The following FGF6 variants were observed in gnomAD, a reference collection of about 807,000 sequenced individuals.
FGF6 encodes the protein fibroblast growth factor 6, also known as FGF-6.
FGF6 carries 14 observed loss-of-function variants against 18.4 expected under a neutral mutation model. The observed-to-expected ratio is 0.76, with a 90% CI of 0.50 to 1.19. FGF6 has a LOEUF of 1.19. Among genes scored for constraint, FGF6 ranks in the 50% most tolerant of loss-of-function variants. The pLI is 0.00. For synonymous variants in FGF6, 125 were observed against 116.7 expected, an observed-to-expected ratio of 1.07 and a Z score of -0.46; for missense variants, 266 against 271.6, an observed-to-expected ratio of 0.98 and a Z score of 0.15.
chr12:4,440,674 C>T (rs1865680382), intron 2 of FGF6, among the ~76,000 whole-genome samples: 1 of 152,246 alleles, frequency 6.6e-6, no homozygotes. Flanking sequence ...TTTCATTCTT[C>T]TCACTCCAGT....
Position 4,445,558 on chromosome 12 carries a change from G to T in FGF6, c.13C>A (p.Gln5Lys). 1 of 1,588,058 alleles carries T rather than the reference G, an allele frequency of 6.3e-7. No individual in the cohort carries two copies. MALGQKLFITMSRGA... is the reference protein window; with the variant it reads MALGKKLFITMSRGA... The stretch of plus-strand genomic sequence containing the variant: ...CGGGACATAGTGATGAACAGTTTCT[G>T]TCCCAGGGCCATCCACCTTGCCTCT... The change falls in exon 1 of 3, where the codon CAG becomes AAG. Residue 5 changes from glutamine (Q) to lysine (K), a missense_variant. Transcript: ENST00000228837. This position sits in a 1 kb window ranked among gnomAD's most constrained non-coding sequence, Gnocchi z 5.5.
chr12:4,445,594 G>T lies in FGF6; in HGVS notation c.-24C>A. ...ATCCACCTTGCCTCTCAGGCACGTG[G>T]TCAGAATTAATGGCCCTAAAAATAC... On this transcript the variant is annotated 5_prime_UTR_variant, in exon 1 of 3. Transcript: ENST00000228837. This position sits in a 1 kb window ranked among gnomAD's most constrained non-coding sequence, Gnocchi z 5.5. The T allele has an allele frequency of 1.3e-6, 2 of 1,543,240 alleles. No homozygotes were observed. Among genetic ancestry groups the T allele is most frequent in the African/African-American group, 1.4e-5 (1 of 73,710 alleles).
At position 4,445,478 on chromosome 12, in the gene FGF6, T is replaced by C. The variant is rs1211420055; in HGVS notation, c.93A>G (p.Leu31=). The C allele has an allele frequency of 1.2e-6, 2 of 1,613,050 alleles. No homozygotes were observed. Among genetic ancestry groups the C allele is most frequent in the African/African-American group, 2.7e-5 (2 of 74,896 alleles). ...TLWALVFLGI[L]VGMVVPSPAG... is the part of the protein sequence containing the mutation. ...CAGGCGAGGGCACCACCATGCCCAC[T>C]AGGATGCCTAGGAAGACGAGAGCCC... The change falls in exon 1 of 3, where the codon CTA becomes CTG. Residue 31 remains leucine (L), a synonymous_variant. Transcript: ENST00000228837. This position sits in a 1 kb window ranked among gnomAD's most constrained non-coding sequence, Gnocchi z 5.5.
Position 4,445,189 on chromosome 12 carries a change from C to T in FGF6, c.346+36G>A, listed in dbSNP as rs1173848761. The stretch of plus-strand genomic sequence containing the variant: ...CTTTTAGCCCTGCATGAGCCCAAAC[C>T]CCCAAGCGTCCCGACTGGCTGCAGC... On this transcript the variant is annotated intron_variant, in intron 1 of 2. Transcript: ENST00000228837. This position sits in a 1 kb window ranked among gnomAD's most constrained non-coding sequence, Gnocchi z 5.5. The T allele has an allele frequency of 2.6e-6, 4 of 1,553,382 alleles. No homozygotes were observed. The highest frequency in any genetic ancestry group is 3.4e-4 in the Middle Eastern group (2 of 5,846).
chr12:4,441,323 GGTCGCGGA>G (rs1263664197), intron 2 of FGF6, among the ~76,000 whole-genome samples: 1 of 152,198 alleles, frequency 6.6e-6, no homozygotes, highest in African/African-American at 2.4e-5. Flanking sequence ...CTGGAACTCG[GGTCGCGGA>G]GCCCTGAGAC....
intron 2 of FGF6, among the ~76,000 whole-genome samples, chr12:4,436,893 T>A (rs1865635128): frequency 6.6e-6 from 1 of 152,252 alleles, no homozygotes; most frequent in Non-Finnish European, 1.5e-5. Context: ...GGGTTTTTCA[T>A]AAGCTTTCCT....
chr12:4,445,256 C>T lies in FGF6; in HGVS notation c.315G>A (p.Arg105=), dbSNP rs760950863. 2 of 1,613,456 alleles carry T rather than the reference C, an allele frequency of 1.2e-6. No individual in the cohort carries two copies. Among genetic ancestry groups the T allele is most frequent in the South Asian group, 1.1e-5 (1 of 91,030 alleles). ...GGTTCTCCTCGTGGGTCCCGCTGATCCGGCCGTCGGGGAGCACCTGGAGGT... is the reference window on the plus strand; with the variant it reads ...GGTTCTCCTCGTGGGTCCCGCTGATTCGGCCGTCGGGGAGCACCTGGAGGT... The part of the protein sequence containing the change: ...GFHLQVLPDG[R]ISGTHEENPY... Residue 105 remains arginine, a synonymous_variant, in exon 1 of 3, where the codon CGG becomes CGA. Transcript: ENST00000228837. This position sits in a 1 kb window ranked among gnomAD's most constrained non-coding sequence, Gnocchi z 5.5.
Position 4,445,536 on chromosome 12 carries a change from G to T in FGF6, c.35C>A (p.Ser12Tyr), listed in dbSNP as rs775224777. The change falls in exon 1 of 3, where the codon TCC (serine) becomes TAC (tyrosine). Residue 12 changes from serine to tyrosine, a missense_variant. Coordinates refer to ENST00000228837, the MANE Select transcript of FGF6 (RefSeq NM_020996.3). The surrounding 1 kb of genome is among the most constrained non-coding windows in gnomAD (Gnocchi z 5.5). The part of the protein sequence containing the change: ...ALGQKLFITM[S>Y]RGAGRLQGTL... ...GCCCTGCAGACGTCCTGCTCCCCGG[G>T]ACATAGTGATGAACAGTTTCTGTCC... 6.2e-7 allele frequency: 1 copy of T among 1,607,876 alleles called. No homozygotes were observed. Among genetic ancestry groups the T allele is most frequent in the Admixed American group, 1.7e-5 (1 of 59,852 alleles).
At chr12:4,441,046 C>T (rs922411805) in intron 2 of FGF6, among the ~76,000 whole-genome samples, 1 of 152,268 alleles carries the variant, frequency 6.6e-6, no homozygotes. Flanking sequence ...TGCGGCTCTT[C>T]TTAGTAAAAC....
intron 2 of FGF6, 100 bp downstream of exon 2, chr12:4,444,033 T>G: frequency 1.3e-6 from 1 of 749,628 alleles, no homozygotes; most frequent in East Asian, 2.7e-5. Context: ...CTTTCCCATT[T>G]AGATAGTCAC....
chr12:4,435,710 C>T (rs1025452672), intron 2 of FGF6, among the ~76,000 whole-genome samples: 1 of 152,188 alleles, frequency 6.6e-6, no homozygotes, highest in African/African-American at 2.4e-5. Context: ...ACCACCTGTT[C>T]AGAACATGAA....
Position 4,445,780 on chromosome 12 carries a change from C to T in FGF6, c.-210G>A, listed in dbSNP as rs372136084. On this transcript the variant is annotated 5_prime_UTR_variant, in exon 1 of 3. Coordinates refer to ENST00000228837, the MANE Select transcript of FGF6 (RefSeq NM_020996.3). This position sits in a 1 kb window ranked among gnomAD's most constrained non-coding sequence, Gnocchi z 5.5. The stretch of plus-strand genomic sequence containing the variant: ...GCCGGTAGAGACCATGGCTCGGGGA[C>T]GCTCTCTAGCTCGCCCGCTTGCTCC... Among the ~76,000 whole-genome samples, 5 of 152,146 alleles carry T rather than the reference C, an allele frequency of 3.3e-5. No individual in the cohort carries two copies. The highest frequency in any genetic ancestry group is 7.4e-5 in the Non-Finnish European group (5 of 68,024).
chr12:4,436,859 C>G (rs1311973512), intron 2 of FGF6, among the ~76,000 whole-genome samples: 1 of 152,236 alleles, frequency 6.6e-6, no homozygotes, highest in Non-Finnish European at 1.5e-5. Context: ...GCCATGTCAA[C>G]AGGTTAATGC....
chr12:4,435,599 G>T (rs1297918361), intron 2 of FGF6, among the ~76,000 whole-genome samples: 1 of 152,162 alleles, frequency 6.6e-6, no homozygotes, highest in Non-Finnish European at 1.5e-5. Context: ...GAATTTTTAT[G>T]GGGAAAAGGA....
In FGF6 at chr12:4,445,455, G is replaced by A. The variant is rs1865752197; in HGVS notation, c.116C>T (p.Pro39Leu). The change falls in exon 1 of 3, where the codon CCT (proline) becomes CTT (leucine). Residue 39 changes from proline (P) to leucine (L), a missense_variant. Coordinates refer to ENST00000228837, the MANE Select transcript of FGF6 (RefSeq NM_020996.3). This position sits in a 1 kb window ranked among gnomAD's most constrained non-coding sequence, Gnocchi z 5.5. Reference sequence around the variant, plus strand: ...CGTGTTGTTGGCACGGGTGCCTGCAGGCGAGGGCACCACCATGCCCACTAG... The same window carrying A: ...CGTGTTGTTGGCACGGGTGCCTGCAAGCGAGGGCACCACCATGCCCACTAG... ...GILVGMVVPS[P>L]AGTRANNTLL... 2 of 1,613,268 alleles carry A rather than the reference G, an allele frequency of 1.2e-6. No homozygotes were observed. The highest frequency in any genetic ancestry group is 8.5e-7 in the Non-Finnish European group (1 of 1,179,952).
intron 2 of FGF6, among the ~76,000 whole-genome samples, chr12:4,442,650 A>G (rs1865706416): frequency 6.6e-6 from 1 of 152,204 alleles, no homozygotes; most frequent in African/African-American, 2.4e-5. Flanking sequence ...CAGGCTGGGA[A>G]GAAGGGGTTC....
At chr12:4,441,397 C>A (rs1865689222) in intron 2 of FGF6, among the ~76,000 whole-genome samples, 1 of 152,190 alleles carries the variant, frequency 6.6e-6, no homozygotes, top group Non-Finnish European at 1.5e-5. Context: ...GTGTCCGCAG[C>A]TGCACAGGGA....
At chr12:4,440,566 A>G (rs1386110394) in intron 2 of FGF6, among the ~76,000 whole-genome samples, 3 of 152,210 alleles carry the variant, frequency 2.0e-5, no homozygotes, top group African/African-American at 7.2e-5. Flanking sequence ...TAGCTGAAAT[A>G]TCATCAGCTC....
At chr12:4,444,090 C>G in intron 2 of FGF6, 43 bp downstream of exon 2, 1 of 1,275,228 alleles carries the variant, frequency 7.8e-7, no homozygotes, top group Non-Finnish European at 1.1e-6. Context: ...GTGTAAGCAT[C>G]AAGCCTTGTA....
Sources: gnomAD v4.1 joint callset for allele counts (sites outside exome capture counted in the v4.1 genomes callset) on GRCh38, gnomAD v4.1.1 for gene constraint, Gnocchi (gnomAD v3.1) non-coding constraint, MANE v1.5 for transcripts, NCBI Gene and HGNC (gene_info 2026-07-23, HGNC 2026-07-21) for gene names.